The following NAALADL2 variants were observed in gnomAD, a reference collection of about 807,000 sequenced individuals.
The protein encoded by NAALADL2 is N-acetylated alpha-linked acidic dipeptidase like 2.
NAALADL2 carries 76 observed loss-of-function variants against 87.2 expected under a neutral mutation model. That is an observed-to-expected ratio of 0.87 (90% CI 0.72 to 1.05). The LOEUF is 1.05. NAALADL2 is among the 50% of genes least tolerant of loss of function. NAALADL2 has a pLI of 0.00. For missense variants in NAALADL2, 1,089 were observed against 945.8 expected, an observed-to-expected ratio of 1.15 and a Z score of -1.99; for synonymous variants, 354 against 331.0, an observed-to-expected ratio of 1.07 and a Z score of -0.75.
At chr3:175,346,852 G>T (rs1189013680) in intron 5 of NAALADL2, among the ~76,000 whole-genome samples, 1 of 152,184 alleles carries the variant, frequency 6.6e-6, no homozygotes, top group African/African-American at 2.4e-5. Context: ...GAAACTAGAT[G>T]CATGTTGTGA....
At chr3:174,851,093 C>A (rs1422932886) in intron 3 of NAALADL2, among the ~76,000 whole-genome samples, 1 of 151,808 alleles carries the variant, frequency 6.6e-6, no homozygotes, top group Non-Finnish European at 1.5e-5. Flanking sequence ...ATACCAAAAC[C>A]AATATGACAC....
intron 1 of NAALADL2, among the ~76,000 whole-genome samples, chr3:174,447,273 T>C (rs1715128145): frequency 1.3e-5 from 2 of 152,122 alleles, no homozygotes; most frequent in African/African-American, 4.8e-5. Flanking sequence ...AATGGCTCCC[T>C]CAGAATAGGC....
intron 9 of NAALADL2, among the ~76,000 whole-genome samples, chr3:175,481,534 G>A (rs1582071084): frequency 6.6e-6 from 1 of 151,558 alleles, no homozygotes; most frequent in Non-Finnish European, 1.5e-5. Flanking sequence ...TTGAAAAAAT[G>A]GTTTGACTAT....
At chr3:174,728,529 A>G (rs1294520182) in intron 2 of NAALADL2, among the ~76,000 whole-genome samples, 3 of 152,080 alleles carry the variant, frequency 2.0e-5, no homozygotes, top group Non-Finnish European at 4.4e-5. Flanking sequence ...CACACAGCTA[A>G]TAAGTATTAG....
chr3:175,719,707 C>G (rs890156796), intron 11 of NAALADL2, among the ~76,000 whole-genome samples: 2 of 152,156 alleles, frequency 1.3e-5, no homozygotes, highest in African/African-American at 4.8e-5. Flanking sequence ...GCCAGTCTCA[C>G]TTGGAAATAT....
At chr3:174,490,131 C>A (rs1718092055) in intron 1 of NAALADL2, among the ~76,000 whole-genome samples, 1 of 151,856 alleles carries the variant, frequency 6.6e-6, no homozygotes, top group Non-Finnish European at 1.5e-5. Flanking sequence ...TTAATAATAG[C>A]CAAAAGATGA....
rs144725961 is a variant in NAALADL2, at chr3:174,977,143, G to A, written c.43+117693G>A. The stretch of plus-strand genomic sequence containing the variant: ...AAATGAAATAAGCCAGGCCCAGAAA[G>A]GCAAGTACTACATGACCTCCCATGT... On this transcript the variant is annotated intron_variant, in intron 1 of 13. Transcript: ENST00000454872. Among the ~76,000 whole-genome samples, 623 of 152,312 alleles carry A rather than the reference G, an allele frequency of 4.1e-3. 1 individual carries two copies. Among genetic ancestry groups the A allele is most frequent in the Non-Finnish European group, 6.5e-3 (439 of 68,026 alleles).
intron 1 of NAALADL2, among the ~76,000 whole-genome samples, chr3:175,013,144 A>T (rs1383523624): frequency 4.6e-5 from 4 of 86,060 alleles, no homozygotes; most frequent in South Asian, 3.4e-4. Flanking sequence ...ATAAATATGT[A>T]ATACATATTT....
At chr3:175,383,585 T>C (rs1165628362) in intron 5 of NAALADL2, among the ~76,000 whole-genome samples, 1 of 152,060 alleles carries the variant, frequency 6.6e-6, no homozygotes, top group Middle Eastern at 3.2e-3. Flanking sequence ...TAGAGATATA[T>C]AAATCTGTTT....
chr3:174,799,622 G>A (rs927053907), intron 3 of NAALADL2, among the ~76,000 whole-genome samples: 4 of 152,154 alleles, frequency 2.6e-5, no homozygotes, highest in Non-Finnish European at 5.9e-5. Flanking sequence ...GTCTTTATCA[G>A]CAGTGTGAAA....
chr3:175,001,670 G>A (rs1461237448), intron 1 of NAALADL2, among the ~76,000 whole-genome samples: 1 of 151,624 alleles, frequency 6.6e-6, no homozygotes, highest in Non-Finnish European at 1.5e-5. Flanking sequence ...CTCAGTCTTG[G>A]GTGTTCATTT....
chr3:174,647,042 A>G (rs1426530117), intron 2 of NAALADL2, among the ~76,000 whole-genome samples: 2 of 152,146 alleles, frequency 1.3e-5, no homozygotes, highest in East Asian at 1.9e-4. Flanking sequence ...GTTTAGAAAT[A>G]TAATTTACAG....
intron 2 of NAALADL2, among the ~76,000 whole-genome samples, chr3:174,711,320 T>C (rs1025265421): frequency 3.1e-4 from 47 of 152,200 alleles, no homozygotes; most frequent in African/African-American, 1.0e-3. Context: ...TCATATCAAA[T>C]TTTATACAAA....
At chr3:174,483,289 T>TA (rs1433117545) in intron 1 of NAALADL2, among the ~76,000 whole-genome samples, 1 of 152,060 alleles carries the variant, frequency 6.6e-6, no homozygotes, top group Non-Finnish European at 1.5e-5. Flanking sequence ...TCAGGAAACT[T>TA]ACAATCATGG....
intron 2 of NAALADL2, among the ~76,000 whole-genome samples, chr3:174,581,213 A>C (rs971973840): frequency 1.3e-5 from 2 of 152,188 alleles, no homozygotes; most frequent in Admixed American, 6.5e-5. Context: ...CAAGAATCTA[A>C]ATTGGAAACA....
chr3:175,793,638 TAATATA>T (rs898594843), intron 13 of NAALADL2, among the ~76,000 whole-genome samples: 2 of 152,068 alleles, frequency 1.3e-5, no homozygotes, highest in Admixed American at 6.6e-5. Context: ...TCTAACCATC[TAATATA>T]AATATAGAAT....
At chr3:175,348,458 T>C (rs1310078674) in intron 5 of NAALADL2, among the ~76,000 whole-genome samples, 2 of 152,202 alleles carry the variant, frequency 1.3e-5, no homozygotes, top group African/African-American at 4.8e-5. Flanking sequence ...CAAAATAGTA[T>C]TCAATACTGG....
At chr3:174,513,288 A>C (rs1719727386) in intron 1 of NAALADL2, among the ~76,000 whole-genome samples, 1 of 152,140 alleles carries the variant, frequency 6.6e-6, no homozygotes, top group Non-Finnish European at 1.5e-5. Context: ...CTTGAATTTC[A>C]ATGACATGCT....
At chr3:174,569,835 C>T (rs61532048) in intron 2 of NAALADL2, among the ~76,000 whole-genome samples, 3,603 of 152,124 alleles carry the variant, frequency 0.024, 172 homozygotes, top group African/African-American at 0.083. Context: ...TACAGCTTCC[C>T]TTGCTTGTTT....
Sources: allele counts gnomAD v4.1 joint callset (sites outside exome capture counted in the v4.1 genomes callset), GRCh38; gene constraint gnomAD v4.1.1; transcripts MANE v1.5; gene names NCBI Gene and HGNC (gene_info 2026-07-23, HGNC 2026-07-21).